Variants in ZSCAN25 observed in about 807,000 individuals in gnomAD.
ZSCAN25 encodes zinc finger and SCAN domain-containing protein 25.
In ZSCAN25, 27 loss-of-function variants were observed where a neutral mutation model predicts 38.7. The ratio of observed to expected loss-of-function variants is 0.70; its 90% CI spans 0.51 to 0.96. ZSCAN25 has a LOEUF of 0.96. Ranked by LOEUF, ZSCAN25 falls within the 40% of genes least tolerant of loss-of-function variation. The pLI is 0.00. For missense variants in ZSCAN25, 637 were observed against 705.9 expected, an observed-to-expected ratio of 0.90 and a Z score of 1.11; for synonymous variants, 273 against 277.7, an observed-to-expected ratio of 0.98 and a Z score of 0.17.
At chr7:99,634,508 G>A (rs1808188891), downstream of ZSCAN25, among the ~76,000 whole-genome samples, 4 of 145,742 alleles carry the variant, frequency 2.7e-5, no homozygotes, top group South Asian at 8.8e-4. Context: ...GCAAAAATTT[G>A]GCCAGGCGCG....
At chr7:99,672,042 TTTGTTGTTGTTG>T in the ZSCAN25 span, among the ~76,000 whole-genome samples, 1 of 151,728 alleles carries the variant, frequency 6.6e-6, no homozygotes, top group Non-Finnish European at 1.5e-5. Flanking sequence ...TTTGCCGGTT[TTTGTTGTTGTTG>T]TTGTTGTTGT....
At chr7:99,690,277 A>C in the ZSCAN25 span, among the ~76,000 whole-genome samples, 49 of 152,194 alleles carry the variant, frequency 3.2e-4, no homozygotes, top group South Asian at 4.3e-3. Context: ...CTTCCTTACA[A>C]CTTATACAAA....
chr7:99,658,824 C>T, the ZSCAN25 span: 1 of 152,198 alleles, frequency 6.6e-6, no homozygotes, highest in South Asian at 2.1e-4. Flanking sequence ...TTCTTCATTT[C>T]ATTCATTTGA....
At chr7:99,709,232 C>A in the ZSCAN25 span, 15 of 1,613,864 alleles carry the variant, frequency 9.3e-6, no homozygotes, top group Non-Finnish European at 1.3e-5. Flanking sequence ...GATACTCCAA[C>A]TGTAGCACAG....
At chr7:99,687,094 G>T in the ZSCAN25 span, among the ~76,000 whole-genome samples, 8 of 152,186 alleles carry the variant, frequency 5.3e-5, no homozygotes, top group African/African-American at 1.9e-4. Context: ...AGAAAAACTG[G>T]AAACTCTAAA....
the ZSCAN25 span, among the ~76,000 whole-genome samples, chr7:99,735,861 G>T: frequency 2.6e-5 from 4 of 152,308 alleles, no homozygotes; most frequent in East Asian, 1.9e-4. Context: ...GACCAGAAAG[G>T]CTGGTGGAGT....
chr7:99,671,575 T>A, the ZSCAN25 span: 1 of 408,440 alleles, frequency 2.4e-6, no homozygotes, highest in Non-Finnish European at 4.4e-6. Context: ...TCATAACTTA[T>A]GCAAATATTA....
At chr7:99,680,201 G>T in the ZSCAN25 span, among the ~76,000 whole-genome samples, 1 of 152,082 alleles carries the variant, frequency 6.6e-6, no homozygotes, top group Non-Finnish European at 1.5e-5. Context: ...GGAGCCATTG[G>T]CATGAAATCT....
At chr7:99,666,994 C>T in the ZSCAN25 span, 3 of 1,614,130 alleles carry the variant, frequency 1.9e-6, no homozygotes, top group African/African-American at 1.3e-5. Context: ...ACAGCAATGA[C>T]CGTATTCTCT....
chr7:99,656,145 C>G, the ZSCAN25 span, among the ~76,000 whole-genome samples: 1 of 152,144 alleles, frequency 6.6e-6, no homozygotes, highest in Admixed American at 6.5e-5. Flanking sequence ...AGAGGGCATC[C>G]CTGTCTTGTG....
chr7:99,735,417 G>C, the ZSCAN25 span, among the ~76,000 whole-genome samples: 2 of 152,080 alleles, frequency 1.3e-5, no homozygotes, highest in Admixed American at 1.3e-4. Context: ...GGAGTCCAAG[G>C]GTTCTGGGTT....
chr7:99,712,543 C>T, the ZSCAN25 span, among the ~76,000 whole-genome samples: 1 of 152,298 alleles, frequency 6.6e-6, no homozygotes, highest in South Asian at 2.1e-4. Flanking sequence ...AGATGAAACA[C>T]TAAAACAGTA....
chr7:99,621,561 C>T lies in ZSCAN25; in HGVS notation c.576C>T (p.Ala192=), dbSNP rs1806963147. The T allele has an allele frequency of 2.0e-6, 3 of 1,465,530 alleles. No homozygotes were observed. In the African/African-American group the frequency reaches 4.2e-5, roughly 21 times the overall value. The allele number at this position is 1,465,530 out of a possible 1,614,324, so 90.8% of individuals were successfully genotyped here. A position where few individuals can be genotyped will look rare whatever the true frequency, so the allele number is the denominator to read the frequency against. ...AGGACCCTGGAGATGAGACACGGGC[C>T]TTCCAGGAGCAAGGTGAGTAAGACG... ...LSQDPGDETR[A]FQEQALPVLQ... The change falls in exon 5 of 8, where the codon GCC becomes GCT. Residue 192 remains alanine (A), a synonymous_variant. Transcript: ENST00000394152.
chr7:99,638,167 G>C, the ZSCAN25 span: 11 of 1,306,798 alleles, frequency 8.4e-6, 1 homozygote, highest in Middle Eastern at 3.8e-4. Flanking sequence ...AATTGAAAGA[G>C]GAGATGGTGG....
chr7:99,726,201 C>T, the ZSCAN25 span, among the ~76,000 whole-genome samples: 2 of 152,138 alleles, frequency 1.3e-5, no homozygotes, highest in African/African-American at 4.8e-5. Flanking sequence ...CAACTGATCA[C>T]ATGCCCATTA....
the ZSCAN25 span, among the ~76,000 whole-genome samples, chr7:99,640,051 A>G: frequency 6.6e-6 from 1 of 152,226 alleles, no homozygotes; most frequent in Non-Finnish European, 1.5e-5. Flanking sequence ...AAGGTGACAG[A>G]GCAAGACACT....
the ZSCAN25 span, among the ~76,000 whole-genome samples, chr7:99,640,289 G>A: frequency 3.3e-5 from 5 of 152,160 alleles, no homozygotes; most frequent in Admixed American, 2.0e-4. Context: ...CCCCAGAGTA[G>A]CTGGGATTAC....
At chr7:99,670,167 G>A in the ZSCAN25 span, among the ~76,000 whole-genome samples, 1 of 152,188 alleles carries the variant, frequency 6.6e-6, no homozygotes, top group Non-Finnish European at 1.5e-5. Context: ...GCTTTGTGAT[G>A]TGAAATCAAG....
chr7:99,643,766 A>G, the ZSCAN25 span, among the ~76,000 whole-genome samples: 1 of 151,648 alleles, frequency 6.6e-6, no homozygotes, highest in African/African-American at 2.4e-5. Context: ...GTAGGCTTGC[A>G]TTGCTCCCCC....
Sources: gnomAD v4.1 joint callset for allele counts (sites outside exome capture counted in the v4.1 genomes callset) on GRCh38, gnomAD v4.1.1 for gene constraint, MANE v1.5 for transcripts, NCBI Gene and HGNC (gene_info 2026-07-23, HGNC 2026-07-21) for gene names.